The following RGS20 variants were observed in gnomAD, a reference collection of about 807,000 sequenced individuals.
RGS20 encodes the protein regulator of G protein signaling 20, also known as gz-selective GTPase-activating protein.
Under a neutral mutation model 33.6 loss-of-function variants are expected in RGS20, and 30 were observed. The observed-to-expected ratio is 0.89, with a 90% confidence interval of 0.67 to 1.21. RGS20 has a LOEUF of 1.21. Ranked by LOEUF, RGS20 falls within the 50% of genes most tolerant of loss-of-function variation. RGS20 has a pLI of 0.00. For synonymous variants in RGS20, 208 were observed against 197.9 expected, an observed-to-expected ratio of 1.05 and a Z score of -0.43; for missense variants, 472 against 502.4, an observed-to-expected ratio of 0.94 and a Z score of 0.58.
chr8:53,879,432 G>T lies in RGS20; in HGVS notation c.340G>T (p.Ala114Ser). 1.7e-5 allele frequency: 27 copies of T among 1,605,890 alleles called. No homozygotes were observed. Among genetic ancestry groups the T allele is most frequent in the Non-Finnish European group, 2.2e-5 (26 of 1,176,984 alleles). The stretch of plus-strand genomic sequence containing the variant: ...CCCCCTGCTTCCCGCCCTGCCGGCC[G>T]CCCGGCTCTCGAGGGGGCACGAGGA... Residue 114 changes from alanine to serine, a missense_variant, in exon 2 of 6, where the codon GCC becomes TCC. Ala to Ser is a moderately conservative substitution (Grantham distance 99, BLOSUM62 1). Transcript: ENST00000297313.
intron 2 of RGS20, among the ~76,000 whole-genome samples, chr8:53,890,689 G>A (rs1285727587): frequency 1.3e-5 from 2 of 152,268 alleles, no homozygotes; most frequent in East Asian, 3.9e-4. Flanking sequence ...CCCTAGAATG[G>A]AGTACATTGG....
At chr8:53,862,832 T>C (rs1811838507) in intron 1 of RGS20, among the ~76,000 whole-genome samples, 1 of 152,180 alleles carries the variant, frequency 6.6e-6, no homozygotes, top group South Asian at 2.1e-4. Flanking sequence ...CTTTTCTAAG[T>C]TGTTTTGGCC....
intron 2 of RGS20, among the ~76,000 whole-genome samples, chr8:53,883,818 C>T (rs1238336084): frequency 2.6e-5 from 4 of 151,918 alleles, no homozygotes; most frequent in African/African-American, 7.2e-5. Context: ...TGGTTGCTGG[C>T]GCCTGTAATC....
chr8:53,945,781 T>TAAC (rs1208612224), intron 3 of RGS20, among the ~76,000 whole-genome samples: 3 of 152,012 alleles, frequency 2.0e-5, no homozygotes, highest in Admixed American at 6.6e-5. Context: ...CACATGCCTG[T>TAAC]AGTCCCAGCT....
At chr8:53,931,690 A>G (rs1288220148) in intron 2 of RGS20, among the ~76,000 whole-genome samples, 1 of 152,180 alleles carries the variant, frequency 6.6e-6, no homozygotes, top group Non-Finnish European at 1.5e-5. Context: ...TGCATTTCCA[A>G]CTGAGGTATC....
intron 2 of RGS20, among the ~76,000 whole-genome samples, chr8:53,930,640 G>A (rs542328446): frequency 7.1e-4 from 108 of 152,286 alleles, no homozygotes; most frequent in African/African-American, 2.5e-3. Context: ...CTGCCTCCGG[G>A]GTTCAAGTGA....
At chr8:53,940,460 T>C (rs539199943) in intron 3 of RGS20, among the ~76,000 whole-genome samples, 2 of 152,362 alleles carry the variant, frequency 1.3e-5, no homozygotes, top group African/African-American at 4.8e-5. Flanking sequence ...CCTAAATTTA[T>C]GTAGGCTTGG....
At chr8:53,918,221 C>T (rs1384483211) in intron 2 of RGS20, among the ~76,000 whole-genome samples, 2 of 152,066 alleles carry the variant, frequency 1.3e-5, no homozygotes, top group Non-Finnish European at 2.9e-5. Flanking sequence ...AATCCCACAC[C>T]CACTAGCAGT....
chr8:53,897,855 C>T (rs1033680757), intron 2 of RGS20, among the ~76,000 whole-genome samples: 1 of 152,204 alleles, frequency 6.6e-6, no homozygotes, highest in Non-Finnish European at 1.5e-5. Context: ...AAAATTGGCT[C>T]GCTTTTAGTT....
At chr8:53,923,373 C>A (rs1231522577) in intron 2 of RGS20, among the ~76,000 whole-genome samples, 1 of 152,104 alleles carries the variant, frequency 6.6e-6, no homozygotes, top group Non-Finnish European at 1.5e-5. Flanking sequence ...GGAAGGCAGG[C>A]TGCTTGAACT....
chr8:53,856,515 G>A (rs1037165251), intron 1 of RGS20, among the ~76,000 whole-genome samples: 3 of 152,004 alleles, frequency 2.0e-5, no homozygotes, highest in Non-Finnish European at 4.4e-5. Flanking sequence ...CACCGTGCCC[G>A]GCTGATCAGA....
At chr8:53,858,487 T>C (rs1811732598) in intron 1 of RGS20, among the ~76,000 whole-genome samples, 1 of 151,378 alleles carries the variant, frequency 6.6e-6, no homozygotes, top group Non-Finnish European at 1.5e-5. Context: ...CATATATATA[T>C]ACATATATAT....
chr8:53,864,449 A>C (rs1811878131), intron 1 of RGS20, among the ~76,000 whole-genome samples: 2 of 151,814 alleles, frequency 1.3e-5, no homozygotes, highest in Non-Finnish European at 1.5e-5. Flanking sequence ...AAAAAAAAAA[A>C]AACTCAGATA....
At chr8:53,903,236 G>T (rs1373094159) in intron 2 of RGS20, among the ~76,000 whole-genome samples, 1 of 152,124 alleles carries the variant, frequency 6.6e-6, no homozygotes, top group East Asian at 1.9e-4. Flanking sequence ...TATTTTAGGT[G>T]CCTATTGTAT....
intron 2 of RGS20, among the ~76,000 whole-genome samples, chr8:53,891,832 A>G (rs1298932516): frequency 6.7e-6 from 1 of 149,046 alleles, no homozygotes; most frequent in Non-Finnish European, 1.5e-5. Context: ...AATTTTTGCA[A>G]CTTTTTTTTT....
rs191789654 is a variant in RGS20, at chr8:53,911,109, C to T, written c.511-28467C>T. 1.4e-4 allele frequency among the ~76,000 whole-genome samples: 22 copies of T among 152,282 alleles called. 1 individual carries two copies. Among genetic ancestry groups the T allele is most frequent in the Non-Finnish European group, 2.4e-4 (16 of 68,014 alleles). On this transcript the variant is annotated intron_variant, in intron 2 of 5. Coordinates refer to ENST00000297313, the MANE Select transcript of RGS20 (RefSeq NM_170587.4). ...TATTTGGAAATAAAAATAGTGCTAT[C>T]TAGCAAAACTCAGTGGATATGATCA...
At chr8:53,934,018 A>G (rs1814054077) in intron 2 of RGS20, among the ~76,000 whole-genome samples, 1 of 152,242 alleles carries the variant, frequency 6.6e-6, no homozygotes, top group African/African-American at 2.4e-5. Flanking sequence ...ATGCTTCATA[A>G]GCAAAGGAGA....
At chr8:53,859,464 T>A (rs1047735428) in intron 1 of RGS20, among the ~76,000 whole-genome samples, 2 of 152,198 alleles carry the variant, frequency 1.3e-5, no homozygotes, top group Non-Finnish European at 2.9e-5. Context: ...ATATCTAGTA[T>A]CATTACCATT....
chr8:53,879,963 C>T (rs1812312214), intron 2 of RGS20: 1 of 253,014 alleles, frequency 4.0e-6, no homozygotes, highest in Admixed American at 5.4e-5. Flanking sequence ...CCGCCTGCTC[C>T]CAGCGCTCGC....
Sources: allele counts gnomAD v4.1 joint callset (sites outside exome capture counted in the v4.1 genomes callset), GRCh38; gene constraint gnomAD v4.1.1; transcripts MANE v1.5; gene names NCBI Gene and HGNC (gene_info 2026-07-23, HGNC 2026-07-21).